The following PITPNM1 variants were observed in gnomAD, a reference collection of about 807,000 sequenced individuals.
The protein encoded by PITPNM1 is membrane-associated phosphatidylinositol transfer protein 1.
PITPNM1 carries 74 observed loss-of-function variants against 133.3 expected under a neutral mutation model. The observed-to-expected ratio is 0.56, with a 90% CI of 0.46 to 0.67. The LOEUF is 0.67. PITPNM1 is among the 30% of genes least tolerant of loss of function. PITPNM1 has a pLI of 0.00. For synonymous variants in PITPNM1, 738 were observed against 741.4 expected, an observed-to-expected ratio of 1.00 and a Z score of 0.08; for missense variants, 1,398 against 1,739.5, an observed-to-expected ratio of 0.80 and a Z score of 3.49.
chr11:67,495,008 C>T, intron 17 of PITPNM1, 52 bp from the exon 18 acceptor site: 2 of 1,604,672 alleles, frequency 1.2e-6, no homozygotes, highest in Non-Finnish European at 1.7e-6. Flanking sequence ...GGAGGGCTGC[C>T]CCTCCCCCGG....
chr11:67,500,591 A>T (rs892008174), intron 5 of PITPNM1, among the ~76,000 whole-genome samples, 170 bp from the exon 6 acceptor site: 1 of 152,038 alleles, frequency 6.6e-6, no homozygotes, highest in African/African-American at 2.4e-5. Flanking sequence ...AAAGTGGGGC[A>T]TTTGTCTTCC....
Position 67,502,127 on chromosome 11 carries a change from T to C in PITPNM1, c.416-41A>G, listed in dbSNP as rs369815555. On this transcript the variant is annotated intron_variant, in intron 4 of 23. Transcript: ENST00000356404. The surrounding 1 kb of genome is among the most constrained non-coding windows in gnomAD (Gnocchi z 5.9). ...AAGCATTGAGCAGCGCCAGCCCCTT[T>C]GAGCCCCCGCTCCTGGCACCCTCTT... 5.0e-6 allele frequency: 8 copies of C among 1,587,738 alleles called. No individual in the cohort carries two copies. The South Asian group carries it at 7.8e-5, about 16-fold the overall frequency.
chr11:67,503,327 G>A (rs1474125269), intron 2 of PITPNM1, among the ~76,000 whole-genome samples: 1 of 152,222 alleles, frequency 6.6e-6, no homozygotes, highest in South Asian at 2.1e-4. Context: ...TGGCAAGGAG[G>A]CCGGGGTGGC....
At position 67,498,288 on chromosome 11, in the gene PITPNM1, A is replaced by C; in HGVS notation, c.1519T>G (p.Ser507Ala). Reference sequence around the variant, plus strand: ...AGTGGAATGTGGTCTTGGGAGCGAGACAGGCTGTCCCCATCGTGGCTGTAA... The same window carrying C: ...AGTGGAATGTGGTCTTGGGAGCGAGCCAGGCTGTCCCCATCGTGGCTGTAA... Reference protein sequence around the residue: ...SPYSHDGDSLSRSQDHIPLAA... With the variant: ...SPYSHDGDSLARSQDHIPLAA... Residue 507 changes from serine (S) to alanine (A), a missense_variant, in exon 11 of 24, where the codon TCT becomes GCT. Transcript: ENST00000356404. This position sits in a 1 kb window ranked among gnomAD's most constrained non-coding sequence, Gnocchi z 5.7. 1.8e-5 allele frequency: 29 copies of C among 1,602,790 alleles called. No homozygotes were observed. The highest frequency in any genetic ancestry group is 2.3e-5 in the Non-Finnish European group (27 of 1,174,204).
intron 18 of PITPNM1, 83 bp downstream of exon 18, chr11:67,494,763 G>A (rs1866052358): frequency 1.1e-5 from 9 of 823,852 alleles, no homozygotes; most frequent in African/African-American, 1.7e-5. Context: ...GAGGAGGGGG[G>A]TGCTGGGGGG....
At position 67,504,031 on chromosome 11, in the gene PITPNM1, C is replaced by A; in HGVS notation, c.78+72G>T. 3.2e-6 allele frequency: 4 copies of A among 1,255,594 alleles called. No homozygotes were observed. Among genetic ancestry groups the A allele is most frequent in the Admixed American group, 2.4e-5 (1 of 40,974 alleles). 77.8% of individuals were successfully genotyped at this position (1,255,594 alleles called of 1,614,324 possible). ...CCTCCGGGCTCCCAGCCGGTCCCAG[C>A]CCCGGGGCAGGGCTGGCGGGGTCGG... On this transcript the variant is annotated intron_variant, in intron 2 of 23. Coordinates refer to ENST00000356404, the MANE Select transcript of PITPNM1 (RefSeq NM_004910.3). This position sits in a 1 kb window ranked among gnomAD's most constrained non-coding sequence, Gnocchi z 5.4.
At position 67,499,981 on chromosome 11, in the gene PITPNM1, C is replaced by G. The variant is rs1866270993; in HGVS notation, c.996G>C (p.Glu332Asp). ...CTCGGGCAATGTTCTGCATGCGCCA[C>G]TCAGACAAGCTCTGGGGAGACACAG... Reference protein sequence around the residue: ...GGAVSPQSLSEWRMQNIARDS... With the variant: ...GGAVSPQSLSDWRMQNIARDS... Residue 332 changes from glutamate (E) to aspartate (D), a missense_variant, in exon 7 of 24, where the codon GAG becomes GAC. Transcript: ENST00000356404. 1 of 1,612,484 alleles carries G rather than the reference C, an allele frequency of 6.2e-7. No homozygotes were observed. The highest frequency in any genetic ancestry group is 8.5e-7 in the Non-Finnish European group (1 of 1,179,874).
At chr11:67,493,111 C>T in intron 22 of PITPNM1, 49 bp from the exon 23 acceptor site, 3 of 1,608,252 alleles carry the variant, frequency 1.9e-6, no homozygotes, top group Non-Finnish European at 2.5e-6. Flanking sequence ...AGCCGTGCAG[C>T]TGGGGGCGGG....
chr11:67,502,131 C>T lies in PITPNM1; in HGVS notation c.416-45G>A, dbSNP rs1283272014. On this transcript the variant is annotated intron_variant, in intron 4 of 23. Coordinates refer to ENST00000356404, the MANE Select transcript of PITPNM1 (RefSeq NM_004910.3). The surrounding 1 kb of genome is among the most constrained non-coding windows in gnomAD (Gnocchi z 5.9). ...ATTGAGCAGCGCCAGCCCCTTTGAG[C>T]CCCCGCTCCTGGCACCCTCTTGGGA... The T allele has an allele frequency of 1.3e-6, 2 of 1,581,072 alleles. No individual in the cohort carries two copies. The highest frequency in any genetic ancestry group is 2.2e-5 in the East Asian group (1 of 44,476).
chr11:67,505,877 G>A (rs1212611237), upstream of PITPNM1, among the ~76,000 whole-genome samples: 2 of 152,186 alleles, frequency 1.3e-5, no homozygotes, highest in African/African-American at 4.8e-5. This position sits in a 1 kb window ranked among gnomAD's most constrained non-coding sequence, Gnocchi z 5.8. Flanking sequence ...CCCCTGCATG[G>A]TGCCACAAAG....
intron 8 of PITPNM1, among the ~76,000 whole-genome samples, 168 bp from the exon 9 acceptor site, chr11:67,499,169 T>A (rs932717533): frequency 6.6e-6 from 1 of 152,152 alleles, no homozygotes; most frequent in Admixed American, 6.5e-5. Flanking sequence ...TTTCCAGGCC[T>A]TTGCTCCTAC....
In PITPNM1 at chr11:67,504,789, C is replaced by G. The variant is rs1193314753; in HGVS notation, c.-42+399G>C. On this transcript the variant is annotated intron_variant, in intron 1 of 23. Transcript: ENST00000356404. This position sits in a 1 kb window ranked among gnomAD's most constrained non-coding sequence, Gnocchi z 5.4. ...GGGTTCCCCACGCCCTGCACCCGAA[C>G]CTACCTTCCGGGACCGGTAATCTCC... 1 of 153,040 alleles carries G rather than the reference C, an allele frequency of 6.5e-6. No homozygotes were observed. Among genetic ancestry groups the G allele is most frequent in the East Asian group, 1.9e-4 (1 of 5,208 alleles). The allele number at this position is 153,040 out of a possible 1,614,324, so 9.5% of individuals were successfully genotyped here. A position where few individuals can be genotyped will look rare whatever the true frequency, so the allele number is the denominator to read the frequency against.
At position 67,502,868 on chromosome 11, in the gene PITPNM1, T is replaced by C; in HGVS notation, c.79-150A>G. 1.4e-6 allele frequency: 1 copy of C among 731,678 alleles called. No homozygotes were observed. Among genetic ancestry groups the C allele is most frequent in the East Asian group, 2.7e-5 (1 of 36,860 alleles). 45.3% of individuals were successfully genotyped at this position (731,678 alleles called of 1,614,324 possible). A position where few individuals can be genotyped will look rare whatever the true frequency, so the allele number is the denominator to read the frequency against. ...CAGACCCCGCCCCACCAAAGCTCCC[T>C]GGGATCAGAATCACAGATGCAGCCC... On this transcript the variant is annotated intron_variant, in intron 2 of 23. Transcript: ENST00000356404. The surrounding 1 kb of genome is among the most constrained non-coding windows in gnomAD (Gnocchi z 5.9).
In PITPNM1 at chr11:67,493,902, G is replaced by T; in HGVS notation, c.3008+20C>A. ...GGCCTGGCGGAGCCCTCCCGCAGAG[G>T]CCCGGCCAGCCGCGCTCACCTGACC... is the stretch of plus-strand genomic sequence containing the variant. On this transcript the variant is annotated intron_variant, in intron 20 of 23. Transcript: ENST00000356404. The T allele has an allele frequency of 6.5e-7, 1 of 1,531,474 alleles. No homozygotes were observed. The allele number at this position is 1,531,474 out of a possible 1,614,324, so 94.9% of individuals were successfully genotyped here. A position where few individuals can be genotyped will look rare whatever the true frequency, so the allele number is the denominator to read the frequency against.
chr11:67,494,411 T>C lies in PITPNM1; in HGVS notation c.2743-51A>G, dbSNP rs113058386. On this transcript the variant is annotated intron_variant, in intron 18 of 23. Transcript: ENST00000356404. ...CGCGGCCAGCAAAGGATGGGGATGC[T>C]TGGGGAGGGGGAGCGGGTGAGGATC... The C allele has an allele frequency of 6.4e-4, 858 of 1,332,970 alleles. 9 individuals are homozygous for C. In the African/African-American group the frequency reaches 0.011, roughly 17 times the overall value. The allele number at this position is 1,332,970 out of a possible 1,614,324, so 82.6% of individuals were successfully genotyped here.
Position 67,498,238 on chromosome 11 carries a change from G to A in PITPNM1, c.1569C>T (p.Thr523=). ...IPLAALPLLA[T]SSSRYQGAVA... Reference sequence around the variant, plus strand: ...CGGCGCCCTGGTAGCGGGAGGATGAGGTGGCCAGCAGTGGCAGGGCAGCCA... The same window carrying A: ...CGGCGCCCTGGTAGCGGGAGGATGAAGTGGCCAGCAGTGGCAGGGCAGCCA... The change falls in exon 11 of 24, where the codon ACC becomes ACT. Residue 523 remains threonine (T), a synonymous_variant. Coordinates refer to ENST00000356404, the MANE Select transcript of PITPNM1 (RefSeq NM_004910.3). This position sits in a 1 kb window ranked among gnomAD's most constrained non-coding sequence, Gnocchi z 5.7. The A allele has an allele frequency of 6.2e-7, 1 of 1,612,634 alleles. No individual in the cohort carries two copies. Among genetic ancestry groups the A allele is most frequent in the Middle Eastern group, 1.7e-4 (1 of 6,040 alleles).
chr11:67,498,959 T>C lies in PITPNM1; in HGVS notation c.1214A>G (p.Gln405Arg). 1 of 1,612,828 alleles carries C rather than the reference T, an allele frequency of 6.2e-7. No homozygotes were observed. Among genetic ancestry groups the C allele is most frequent in the Non-Finnish European group, 8.5e-7 (1 of 1,179,688 alleles). The change falls in exon 9 of 24, where the codon CAA becomes CGA. Residue 405 changes from glutamine to arginine, a missense_variant. Gln to Arg is a conservative substitution (Grantham distance 43). Around this residue, in one of 5 missense-constraint regions of PITPNM1, gnomAD observed 574 missense variants for 698.7 expected, o/e 0.82. Transcript: ENST00000356404. This position sits in a 1 kb window ranked among gnomAD's most constrained non-coding sequence, Gnocchi z 5.7. ...EAAKGIEDGA[Q>R]APRDSEGLDG... ...ACTCGCCTCTGAGTCCCTGGGTGCT[T>C]GGGCCCCATCCTCAATGCCTTTAGC...
At chr11:67,494,433 G>T in intron 18 of PITPNM1, 73 bp from the exon 19 acceptor site, 1 of 990,112 alleles carries the variant, frequency 1.0e-6, no homozygotes, top group Non-Finnish European at 1.5e-6. Flanking sequence ...AGCGGGTGAG[G>T]ATCCACACGC....
At chr11:67,495,707 C>G in intron 15 of PITPNM1, 105 bp from the exon 16 acceptor site, 1 of 1,136,420 alleles carries the variant, frequency 8.8e-7, no homozygotes, top group East Asian at 2.7e-5. Context: ...CCCCTCTGGT[C>G]AGGTCCTGGC....
Sources: allele counts gnomAD v4.1 joint callset (sites outside exome capture counted in the v4.1 genomes callset), GRCh38; gene constraint gnomAD v4.1.1; regional missense constraint gnomAD v4.1.1; non-coding constraint Gnocchi (gnomAD v3.1); transcripts MANE v1.5; gene names NCBI Gene and HGNC (gene_info 2026-07-23, HGNC 2026-07-21).